The following PDE4DIP variants were observed in gnomAD, a reference collection of about 807,000 sequenced individuals.
PDE4DIP encodes the protein myomegalin.
A neutral mutation model predicts 221.4 loss-of-function variants in PDE4DIP; 59 were observed. That is an observed-to-expected ratio of 0.27 (90% CI 0.22 to 0.33). The LOEUF (loss-of-function observed/expected upper bound fraction) is 0.33. Among genes scored for constraint, PDE4DIP ranks in the 10% least tolerant of loss-of-function variants. The probability of loss-of-function intolerance (pLI) is 1.00; values close to 1 mark genes in which losing one functional copy is unlikely to be tolerated. For synonymous variants in PDE4DIP, 404 were observed against 815.9 expected (o/e 0.50, Z 8.60); for missense variants, 1,036 against 2,154.2 (o/e 0.48, Z 10.28).
exon 8 of PDE4DIP, chr1:148,962,272 A>C (rs781845142): frequency 6.7e-7 from 1 of 1,497,692 alleles, no homozygotes; most frequent in Non-Finnish European, 9.2e-7. Flanking sequence ...CACCAAAGCC[A>C]GCTTGGACAA....
intron 1 of PDE4DIP, among the ~76,000 whole-genome samples, chr1:148,823,786 GA>G (rs1270570738): frequency 8.0e-5 from 12 of 149,900 alleles, no homozygotes; most frequent in East Asian, 5.8e-4. Flanking sequence ...TCTTCAAAAA[GA>G]AAAAAAAGTG....
rs781914282 is a variant in PDE4DIP at position 149,031,959 on chromosome 1, G to C, written c.7015G>C (p.Ala2339Pro). Residue 2339 changes from alanine to proline, a missense_variant, in exon 44 of 44, where the codon GCT becomes CCT. Ala to Pro is a conservative substitution (Grantham distance 27). Transcript: ENST00000369354. ...TTGTCTGCAGGTGAAATCCCTAAGG[G>C]CTCTGCCATGTACTCCAGCCTTGTG... The C allele has an allele frequency of 8.1e-6, 13 of 1,608,720 alleles. No homozygotes were observed. In the East Asian group the frequency reaches 2.9e-4, roughly 36 times the overall value.
intron 5 of PDE4DIP, among the ~76,000 whole-genome samples, chr1:148,939,262 CT>C (rs587630045): frequency 1.9e-4 from 26 of 136,742 alleles, no homozygotes; most frequent in African/African-American, 7.1e-4. Context: ...CATTCTTGCA[CT>C]GGTCTTAGAC....
chr1:148,944,784 T>C (rs1212220908), intron 5 of PDE4DIP, among the ~76,000 whole-genome samples: 2 of 152,034 alleles, frequency 1.3e-5, no homozygotes, highest in East Asian at 1.9e-4. Flanking sequence ...GGCAGGAGAA[T>C]TGCTTGAACC....
At chr1:148,997,681 GC>G (rs1356095157) in intron 22 of PDE4DIP, among the ~76,000 whole-genome samples, 2 of 150,936 alleles carry the variant, frequency 1.3e-5, no homozygotes, top group African/African-American at 4.8e-5. Context: ...GGAGTTACAG[GC>G]AGGGCCTTAG....
intron 19 of PDE4DIP, 152 bp downstream of exon 22, chr1:148,978,567 G>T: frequency 3.7e-6 from 2 of 546,024 alleles, no homozygotes; most frequent in East Asian, 3.0e-5. Context: ...CCCTCAAAGT[G>T]CTGGAATTAC....
chr1:148,999,418 T>C (rs1575111750), intron 23 of PDE4DIP, among the ~76,000 whole-genome samples: 2 of 152,246 alleles, frequency 1.3e-5, no homozygotes, highest in East Asian at 3.8e-4. Context: ...TCTAGCCTCA[T>C]GTCGTTGTTT....
At chr1:149,024,208 A>G (rs1280861091) in intron 37 of PDE4DIP, 1 of 417,062 alleles carries the variant, frequency 2.4e-6, no homozygotes, top group African/African-American at 2.0e-5. Flanking sequence ...CTGCCAATCA[A>G]ATGCTCTATA....
intron 1 of PDE4DIP, among the ~76,000 whole-genome samples, chr1:148,862,529 T>A (rs2148286536): frequency 9.1e-6 from 1 of 110,262 alleles, no homozygotes; most frequent in African/African-American, 3.4e-5. Context: ...TATCTTAAAT[T>A]TTTAAAATTT....
chr1:148,923,203 GC>G (rs1486028943), intron 1 of PDE4DIP, among the ~76,000 whole-genome samples: 7 of 143,334 alleles, frequency 4.9e-5, no homozygotes, highest in African/African-American at 1.8e-4. Flanking sequence ...CTCCCAAAGT[GC>G]TGGAATTACA....
At chr1:149,016,308 C>G (rs587758176) in exon 33 of PDE4DIP, 1 of 1,613,838 alleles carries the variant, frequency 6.2e-7, no homozygotes, top group African/African-American at 1.3e-5. Flanking sequence ...GGTGCCAGCA[C>G]TGTTCCTCCT....
rs587695252 is a variant in PDE4DIP at position 149,032,080 on chromosome 1, T to C, written c.*95T>C. The C allele has an allele frequency of 3.7e-6, 6 of 1,606,810 alleles. 1 individual carries two copies. The Admixed American group carries it at 8.4e-5, about 23-fold the overall frequency. On this transcript the variant is annotated 3_prime_UTR_variant, in exon 44 of 44. Coordinates refer to ENST00000369354, the Ensembl canonical transcript of PDE4DIP. Reference sequence around the variant, plus strand: ...CCTGTCCCCCTTTTGTGCAGCTACCTATCTGCTGAGGAGCATCTGGGCCTC... The same window carrying C: ...CCTGTCCCCCTTTTGTGCAGCTACCCATCTGCTGAGGAGCATCTGGGCCTC...
At chr1:148,984,533 A>C (rs1389171317) in intron 21 of PDE4DIP, 1 of 152,060 alleles carries the variant, frequency 6.6e-6, no homozygotes, top group Admixed American at 6.6e-5. Context: ...ACATAAAAAA[A>C]CCTATCACTT....
At chr1:149,019,427 C>T (rs1553615550) in intron 35 of PDE4DIP, 1 of 150,090 alleles carries the variant, frequency 6.7e-6, no homozygotes, top group African/African-American at 2.5e-5. Flanking sequence ...GAAAAAGCCA[C>T]CAAGAGATAT....
intron 32 of PDE4DIP, among the ~76,000 whole-genome samples, chr1:149,015,797 A>G (rs1234117203): frequency 6.6e-6 from 1 of 152,034 alleles, no homozygotes; most frequent in Non-Finnish European, 1.5e-5. Context: ...CACCATATCC[A>G]GCTTGATTTC....
chr1:148,986,846 T>G (rs1553550376), intron 21 of PDE4DIP, among the ~76,000 whole-genome samples: 1 of 152,122 alleles, frequency 6.6e-6, no homozygotes, highest in Non-Finnish European at 1.5e-5. Flanking sequence ...CTCGTTTTCT[T>G]TGAAGAATAA....
At chr1:149,022,075 G>A (rs1164179525) in intron 37 of PDE4DIP, among the ~76,000 whole-genome samples, 1 of 150,414 alleles carries the variant, frequency 6.6e-6, no homozygotes, top group Non-Finnish European at 1.5e-5. Context: ...TATAGGACAG[G>A]CAGCCATTCA....
chr1:148,892,377 T>A (rs1267039256), intron 1 of PDE4DIP, among the ~76,000 whole-genome samples: 1 of 121,806 alleles, frequency 8.2e-6, no homozygotes, highest in Non-Finnish European at 1.6e-5. Flanking sequence ...TAGCGAAAGA[T>A]CTTTAGGAAA....
At chr1:149,024,288 A>C (rs2074362479) in intron 37 of PDE4DIP, 157 bp from the exon 41 acceptor site, 2 of 666,068 alleles carry the variant, frequency 3.0e-6, no homozygotes, top group Non-Finnish European at 5.2e-6. Flanking sequence ...TGCCATCCCC[A>C]GGCCACACAC....
Sources: gnomAD v4.1 joint callset for allele counts (sites outside exome capture counted in the v4.1 genomes callset) on GRCh38, gnomAD v4.1.1 for gene constraint, MANE v1.5 for transcripts, NCBI Gene and HGNC (gene_info 2026-07-23, HGNC 2026-07-21) for gene names.